EVA1A: variants seen among roughly 807,000 people sequenced by gnomAD.
EVA1A encodes the protein protein eva-1 homolog A.
In EVA1A, 7 loss-of-function variants were observed where a neutral mutation model predicts 9.8. The observed-to-expected ratio is 0.71, with a 90% CI of 0.41 to 1.34. EVA1A has a LOEUF of 1.34. EVA1A is among the 40% of genes most tolerant of loss of function. The pLI, the probability that EVA1A is intolerant of heterozygous loss-of-function variation, is 0.01. For synonymous variants in EVA1A, 90 were observed against 85.6 expected, an observed-to-expected ratio of 1.05 and a Z score of -0.28; for missense variants, 206 against 205.9, an observed-to-expected ratio of 1.00 and a Z score of 0.00.
chr2:75,523,375 C>T (rs1035714625), intron 1 of EVA1A, among the ~76,000 whole-genome samples: 4 of 152,212 alleles, frequency 2.6e-5, no homozygotes, highest in African/African-American at 9.6e-5. Flanking sequence ...ACCTTCCACT[C>T]TACACTGGTG....
chr2:75,511,779 CTATTCTACATGCGCA>C (rs1443432772), intron 3 of EVA1A, among the ~76,000 whole-genome samples: 1 of 152,112 alleles, frequency 6.6e-6, no homozygotes. Flanking sequence ...GTGCCAGGCA[CTATTCTACATGCGCA>C]GGATATAGCA....
At chr2:75,562,588 C>G (rs983863163), upstream of EVA1A, among the ~76,000 whole-genome samples, 1 of 152,220 alleles carries the variant, frequency 6.6e-6, no homozygotes, top group Admixed American at 6.5e-5. Flanking sequence ...CTAAATTACT[C>G]TCTGAACTTG....
chr2:75,530,209 G>C (rs544218792), intron 1 of EVA1A, among the ~76,000 whole-genome samples: 1 of 151,870 alleles, frequency 6.6e-6, no homozygotes, highest in Non-Finnish European at 1.5e-5. Flanking sequence ...GGAAGAAACA[G>C]TAACTCTGAA....
At position 75,518,192 on chromosome 2, in the gene EVA1A, A is replaced by G. The variant is rs1675083587; in HGVS notation, c.-52T>C. ...GGTGCTTGGCTGAATCAACGTGGCC[A>G]CTCTCCTTCTTCTCTTCTGTTTGGG... On this transcript the variant is annotated 5_prime_UTR_variant, in exon 3 of 4. Coordinates refer to ENST00000393913, the MANE Select transcript of EVA1A (RefSeq NM_001135032.2). The G allele has an allele frequency of 1.9e-6, 3 of 1,600,756 alleles. No homozygotes were observed. The highest frequency in any genetic ancestry group is 2.6e-6 in the Non-Finnish European group (3 of 1,175,070).
At chr2:75,502,631 A>G (rs1674470790) in intron 3 of EVA1A, among the ~76,000 whole-genome samples, 1 of 152,252 alleles carries the variant, frequency 6.6e-6, no homozygotes, top group Non-Finnish European at 1.5e-5. Context: ...AGAGGGAAAG[A>G]GGGAGGAAGA....
chr2:75,556,643 G>A (rs1271735977), intron 1 of EVA1A, among the ~76,000 whole-genome samples: 2 of 152,198 alleles, frequency 1.3e-5, no homozygotes, highest in East Asian at 1.9e-4. Context: ...GAAAGGGAAG[G>A]CAGTGCTATA....
intron 1 of EVA1A, among the ~76,000 whole-genome samples, chr2:75,528,925 T>C (rs1358173723): frequency 6.6e-6 from 1 of 152,172 alleles, no homozygotes; most frequent in African/African-American, 2.4e-5. Flanking sequence ...AATTTCACTA[T>C]CTGTAACATC....
rs150666467 is a variant in EVA1A at position 75,517,668 on chromosome 2, C to G, written c.85+388G>C. On this transcript the variant is annotated intron_variant, in intron 3 of 3. Coordinates refer to ENST00000393913, the MANE Select transcript of EVA1A (RefSeq NM_001135032.2). ...ATAAACATATACTCTCTCTCCCACA[C>G]ACACAGTCTCACACACAGGCAGCCT... The G allele has an allele frequency of 9.0e-3, 5,693 of 632,546 alleles. 32 individuals are homozygous for G. The highest frequency in any genetic ancestry group is 0.013 in the Non-Finnish European group (4,466 of 349,308). 39.2% of individuals were successfully genotyped at this position (632,546 alleles called of 1,614,324 possible). A position where few individuals can be genotyped will look rare whatever the true frequency, so the allele number is the denominator to read the frequency against.
chr2:75,498,815 TTA>T lies in EVA1A; in HGVS notation c.86-5208_86-5207del, dbSNP rs539024242. On this transcript the variant is annotated intron_variant, in intron 3 of 3. Transcript: ENST00000393913. ...ACCACACACACCTTTTTTTTTTTTT[TTA>T]AAAAGATGGTCTTCTCAGACTCATT... Among the ~76,000 whole-genome samples, 1,004 of 130,418 alleles carry T rather than the reference TTA, an allele frequency of 7.7e-3. 9 individuals are homozygous for T. Among genetic ancestry groups the T allele is most frequent in the African/African-American group, 0.03 (926 of 30,836 alleles). 85.6% of individuals were successfully genotyped at this position (130,418 alleles called of 152,430 possible).
At chr2:75,568,225 C>A (rs1677061455) in intron 1 of EVA1A, among the ~76,000 whole-genome samples, 1 of 151,886 alleles carries the variant, frequency 6.6e-6, no homozygotes, top group Admixed American at 6.6e-5. Context: ...TCTCCTTCCT[C>A]TGCCTTGAAC....
chr2:75,544,131 T>C (rs939260034), intron 1 of EVA1A, among the ~76,000 whole-genome samples: 2 of 152,200 alleles, frequency 1.3e-5, no homozygotes, highest in Admixed American at 6.5e-5. Flanking sequence ...TGAACACATG[T>C]AGATGTGTCA....
chr2:75,547,052 T>C (rs1050745924), intron 1 of EVA1A, among the ~76,000 whole-genome samples: 2 of 152,174 alleles, frequency 1.3e-5, no homozygotes, highest in Admixed American at 6.5e-5. Context: ...CATGAGCCGA[T>C]ACTTTTCTAT....
intron 1 of EVA1A, among the ~76,000 whole-genome samples, chr2:75,527,954 A>G (rs1675510520): frequency 6.6e-6 from 1 of 152,220 alleles, no homozygotes; most frequent in South Asian, 2.1e-4. Context: ...TCTGCCTCTG[A>G]ACATACATCC....
At chr2:75,527,804 A>C (rs2901669) in intron 1 of EVA1A, among the ~76,000 whole-genome samples, 37,666 of 152,030 alleles carry the variant, frequency 0.25, 5,066 homozygotes, top group African/African-American at 0.35. Context: ...ACATTGTGAA[A>C]TTTTGCTCCA....
In EVA1A at chr2:75,492,986, A is replaced by T. The variant is rs1674082051; in HGVS notation, c.*250T>A. ...AGTCGCGTTTCTCCGATCTCCATCC[A>T]CAGTGTTGGAGAGGATTTTTCAGCA... On this transcript the variant is annotated 3_prime_UTR_variant, in exon 4 of 4. Transcript: ENST00000393913. The T allele has an allele frequency of 2.0e-6, 1 of 494,434 alleles. No individual in the cohort carries two copies. Among genetic ancestry groups the T allele is most frequent in the African/African-American group, 2.0e-5 (1 of 50,982 alleles). The allele number at this position is 494,434 out of a possible 1,614,324, so 30.6% of individuals were successfully genotyped here.
At chr2:75,527,060 C>T (rs1178350748) in intron 1 of EVA1A, among the ~76,000 whole-genome samples, 4 of 152,282 alleles carry the variant, frequency 2.6e-5, no homozygotes, top group South Asian at 2.1e-4. Context: ...CCAACAAATG[C>T]CTGCTCTCTC....
At chr2:75,535,242 A>G (rs1675834144) in intron 1 of EVA1A, among the ~76,000 whole-genome samples, 1 of 148,442 alleles carries the variant, frequency 6.7e-6, no homozygotes, top group Non-Finnish European at 1.5e-5. Context: ...ACTTATCCTT[A>G]CTGGAATGGC....
At chr2:75,560,483 AAAG>A (rs762542541) in intron 1 of EVA1A, among the ~76,000 whole-genome samples, 194 bp downstream of exon 1, 4 of 152,150 alleles carry the variant, frequency 2.6e-5, no homozygotes, top group African/African-American at 4.8e-5. Flanking sequence ...AGGAGGCAAA[AAAG>A]AAAGCGCTGG....
intron 1 of EVA1A, among the ~76,000 whole-genome samples, chr2:75,529,818 A>G (rs1309287852): frequency 6.6e-6 from 1 of 152,214 alleles, no homozygotes; most frequent in African/African-American, 2.4e-5. Flanking sequence ...AGACAATCTA[A>G]GGTCACACCT....
Sources: gnomAD v4.1 joint callset for allele counts (sites outside exome capture counted in the v4.1 genomes callset) on GRCh38, gnomAD v4.1.1 for gene constraint, MANE v1.5 for transcripts, NCBI Gene and HGNC (gene_info 2026-07-23, HGNC 2026-07-21) for gene names.